The following NCKAP5 variants were observed in gnomAD, a reference collection of about 807,000 sequenced individuals.
The protein encoded by NCKAP5 is NCK associated protein 5.
In NCKAP5, 92 loss-of-function variants were observed where a neutral mutation model predicts 167.0. The ratio of observed to expected loss-of-function variants is 0.55; its 90% confidence interval spans 0.47 to 0.66. NCKAP5 has a LOEUF of 0.66. Ranked by LOEUF, NCKAP5 falls within the 30% of genes least tolerant of loss-of-function variation. The probability of loss-of-function intolerance (pLI) is 0.00; values close to 1 mark genes in which losing one functional copy is unlikely to be tolerated. For synonymous variants in NCKAP5, 891 were observed against 877.4 expected (o/e 1.02, Z -0.27); for missense variants, 2,378 against 2,315.0 (o/e 1.03, Z -0.56).
chr2:133,024,475 TG>T (rs1314762648), intron 6 of NCKAP5, among the ~76,000 whole-genome samples: 1 of 152,232 alleles, frequency 6.6e-6, no homozygotes. Flanking sequence ...TATTTAATTC[TG>T]AAAATTTAGA....
At chr2:133,053,949 GC>G (rs1193618744) in intron 6 of NCKAP5, among the ~76,000 whole-genome samples, 2 of 152,116 alleles carry the variant, frequency 1.3e-5, no homozygotes, top group Non-Finnish European at 2.9e-5. Context: ...CATATTAATT[GC>G]CATTAGAAAT....
intron 8 of NCKAP5, among the ~76,000 whole-genome samples, chr2:132,920,650 T>C (rs1342790576): frequency 8.5e-6 from 1 of 117,966 alleles, no homozygotes; most frequent in Non-Finnish European, 1.6e-5. Flanking sequence ...TATATATATA[T>C]GGAAGAACTT....
chr2:132,970,193 G>C (rs1445294741), intron 7 of NCKAP5, among the ~76,000 whole-genome samples: 1 of 152,106 alleles, frequency 6.6e-6, no homozygotes, highest in East Asian at 1.9e-4. Flanking sequence ...CAAGTGTATG[G>C]GTTCTATCCA....
chr2:133,135,750 G>A (rs920766225), intron 5 of NCKAP5, among the ~76,000 whole-genome samples: 11 of 152,040 alleles, frequency 7.2e-5, no homozygotes, highest in Non-Finnish European at 1.2e-4. Context: ...TCTGCATACT[G>A]GGGACGGTGA....
At chr2:133,444,328 C>A (rs1691046089) in intron 3 of NCKAP5, among the ~76,000 whole-genome samples, 1 of 150,020 alleles carries the variant, frequency 6.7e-6, no homozygotes, top group African/African-American at 2.5e-5. Context: ...TGCCAAATGG[C>A]AAATAGCTTT....
At chr2:133,475,570 T>C (rs1021073804) in intron 3 of NCKAP5, among the ~76,000 whole-genome samples, 2 of 152,300 alleles carry the variant, frequency 1.3e-5, no homozygotes, top group East Asian at 1.9e-4. Flanking sequence ...CAAATAAAGG[T>C]AAACTCTATT....
At chr2:133,143,250 AC>A (rs1344418863) in intron 5 of NCKAP5, among the ~76,000 whole-genome samples, 2 of 152,126 alleles carry the variant, frequency 1.3e-5, no homozygotes, top group African/African-American at 4.8e-5. Flanking sequence ...TCTTAGTACC[AC>A]TGTCAATCAG....
At chr2:133,580,899 G>T in the NCKAP5 span, among the ~76,000 whole-genome samples, 1 of 152,158 alleles carries the variant, frequency 6.6e-6, no homozygotes, top group African/African-American at 2.4e-5. Flanking sequence ...TTTCGGAAAT[G>T]AATAGCTCCA....
chr2:132,871,184 T>C (rs1690783928), intron 9 of NCKAP5, among the ~76,000 whole-genome samples: 1 of 152,218 alleles, frequency 6.6e-6, no homozygotes, highest in African/African-American at 2.4e-5. Flanking sequence ...CAGTGATAAA[T>C]GTTATCCAAC....
At chr2:133,165,217 C>T (rs2083951550) in intron 5 of NCKAP5, among the ~76,000 whole-genome samples, 2 of 152,070 alleles carry the variant, frequency 1.3e-5, no homozygotes, top group African/African-American at 4.8e-5. Flanking sequence ...GGAGATAAAC[C>T]CTGACAAAAG....
chr2:133,176,996 AAAGTT>A (rs1433254610), intron 5 of NCKAP5, among the ~76,000 whole-genome samples: 8 of 152,224 alleles, frequency 5.3e-5, no homozygotes, highest in African/African-American at 1.9e-4. Flanking sequence ...CCTCACTAAT[AAAGTT>A]AAGAAATCAG....
At chr2:133,047,125 G>T (rs1420886830) in intron 6 of NCKAP5, among the ~76,000 whole-genome samples, 3 of 152,224 alleles carry the variant, frequency 2.0e-5, no homozygotes, top group African/African-American at 7.2e-5. Flanking sequence ...CTGCCATGAT[G>T]ATTGCAAACT....
At chr2:132,925,412 A>C (rs1695788392) in intron 8 of NCKAP5, among the ~76,000 whole-genome samples, 1 of 151,540 alleles carries the variant, frequency 6.6e-6, no homozygotes, top group Non-Finnish European at 1.5e-5. Context: ...AAAAAAAAAA[A>C]TTAGCCGGGC....
chr2:133,053,780 C>T (rs2079693473), intron 6 of NCKAP5, among the ~76,000 whole-genome samples: 1 of 152,194 alleles, frequency 6.6e-6, no homozygotes, highest in African/African-American at 2.4e-5. Context: ...GGAAACACTT[C>T]TTTGCTGTGC....
At chr2:133,250,481 T>C (rs1215110417) in intron 4 of NCKAP5, among the ~76,000 whole-genome samples, 1 of 152,126 alleles carries the variant, frequency 6.6e-6, no homozygotes, top group Non-Finnish European at 1.5e-5. Context: ...TAAGACAGCA[T>C]GCAGGTGTGG....
At chr2:133,026,101 T>C (rs2078687081) in intron 6 of NCKAP5, among the ~76,000 whole-genome samples, 1 of 152,206 alleles carries the variant, frequency 6.6e-6, no homozygotes, top group Admixed American at 6.5e-5. Flanking sequence ...TGATCAGTGA[T>C]GTTAAGCTTT....
chr2:133,538,430 A>C (rs1373829161), intron 2 of NCKAP5, among the ~76,000 whole-genome samples: 1 of 152,198 alleles, frequency 6.6e-6, no homozygotes, highest in Non-Finnish European at 1.5e-5. Flanking sequence ...TCTAAAGCCA[A>C]GCCATGGAAG....
At chr2:133,573,632 A>G in the NCKAP5 span, among the ~76,000 whole-genome samples, 8 of 152,208 alleles carry the variant, frequency 5.3e-5, no homozygotes, top group Non-Finnish European at 1.0e-4. Flanking sequence ...GAAAGGCCCT[A>G]TGTAAGGATA....
chr2:132,898,808 T>C (rs776240419), intron 8 of NCKAP5, among the ~76,000 whole-genome samples: 21 of 152,350 alleles, frequency 1.4e-4, no homozygotes, highest in Non-Finnish European at 2.8e-4. Flanking sequence ...TGAACCATGC[T>C]GTAAACACAT....
Sources: allele counts gnomAD v4.1 joint callset (sites outside exome capture counted in the v4.1 genomes callset), GRCh38; gene constraint gnomAD v4.1.1; transcripts MANE v1.5; gene names NCBI Gene and HGNC (gene_info 2026-07-23, HGNC 2026-07-21).